Variants in LY96 observed in about 807,000 individuals in gnomAD.
The protein encoded by LY96 is myeloid differentiation protein-2.
Under a neutral mutation model 18.9 loss-of-function variants are expected in LY96, and 18 were observed. The observed-to-expected ratio is 0.95, with a 90% CI of 0.66 to 1.41. LY96 has a LOEUF of 1.41. Among genes scored for constraint, LY96 ranks in the 40% most tolerant of loss-of-function variants. LY96 has a pLI of 0.00. For synonymous variants in LY96, 66 were observed against 62.6 expected (o/e 1.06, Z -0.26); for missense variants, 175 against 182.4 (o/e 0.96, Z 0.23).
At chr8:74,059,768 G>A in the LY96 span, among the ~76,000 whole-genome samples, 155 of 152,224 alleles carry the variant, frequency 1.0e-3, no homozygotes, top group African/African-American at 3.7e-3. Flanking sequence ...TGATCTCAGG[G>A]CAAAATATTA....
the LY96 span, among the ~76,000 whole-genome samples, chr8:74,062,654 G>A: frequency 9.9e-5 from 15 of 152,218 alleles, no homozygotes; most frequent in African/African-American, 3.1e-4. Flanking sequence ...GTTGATGGGC[G>A]TTTGGGTTGA....
intron 2 of LY96, among the ~76,000 whole-genome samples, chr8:74,005,717 G>C (rs1055362967): frequency 6.6e-6 from 1 of 152,122 alleles, no homozygotes; most frequent in Non-Finnish European, 1.5e-5. Context: ...AAAAACTAAC[G>C]CAGGTGGGGT....
At chr8:74,044,606 T>C in the LY96 span, among the ~76,000 whole-genome samples, 5 of 152,028 alleles carry the variant, frequency 3.3e-5, no homozygotes, top group African/African-American at 1.2e-4. Flanking sequence ...GATCAGAGCA[T>C]GGGAAGAGGG....
In LY96 at chr8:74,002,080, T is replaced by TC. The variant is rs1816302799; in HGVS notation, c.113-2716_113-2715insC. On this transcript the variant is annotated intron_variant, in intron 1 of 4. Transcript: ENST00000284818. ...CTTCCTTCCTTCCTTCCTTCCTTTCTTTCTTTCTTTCTTTCTCTCTCTCTC... is the reference window on the plus strand; with the variant it reads ...CTTCCTTCCTTCCTTCCTTCCTTTCTCTTCTTTCTTTCTTTCTCTCTCTCTC... Among the ~76,000 whole-genome samples, 7 of 30,826 alleles carry TC rather than the reference T, an allele frequency of 2.3e-4. 1 individual carries two copies. Among genetic ancestry groups the TC allele is most frequent in the African/African-American group, 6.3e-4 (4 of 6,380 alleles). 20.2% of individuals were successfully genotyped at this position (30,826 alleles called of 152,430 possible). A position where few individuals can be genotyped will look rare whatever the true frequency, so the allele number is the denominator to read the frequency against.
intron 3 of LY96, among the ~76,000 whole-genome samples, chr8:74,022,496 G>A (rs576323387): frequency 2.6e-5 from 4 of 151,022 alleles, no homozygotes; most frequent in East Asian, 3.9e-4. Context: ...TCCAACAGAA[G>A]AGGTTAGAAC....
chr8:74,017,398 C>A (rs189628250), intron 3 of LY96, among the ~76,000 whole-genome samples: 92 of 152,232 alleles, frequency 6.0e-4, no homozygotes, highest in Admixed American at 3.0e-3. Flanking sequence ...AAACATGATA[C>A]TATGTGAAAA....
chr8:74,053,291 A>T, the LY96 span, among the ~76,000 whole-genome samples: 7 of 152,034 alleles, frequency 4.6e-5, no homozygotes, highest in East Asian at 3.8e-4. Context: ...TGTCTTTTAG[A>T]TTTTCACAAT....
chr8:74,080,188 A>C, the LY96 span, among the ~76,000 whole-genome samples: 2 of 152,206 alleles, frequency 1.3e-5, no homozygotes, highest in South Asian at 4.1e-4. Context: ...CCCAAGCAGC[A>C]GTGCCCACTG....
chr8:74,099,227 C>A, the LY96 span, among the ~76,000 whole-genome samples: 2 of 152,300 alleles, frequency 1.3e-5, no homozygotes, highest in African/African-American at 4.8e-5. Flanking sequence ...TTGGCCATGG[C>A]AACCCCAGAA....
the LY96 span, among the ~76,000 whole-genome samples, chr8:74,087,516 A>G: frequency 4.6e-5 from 7 of 152,192 alleles, no homozygotes; most frequent in Non-Finnish European, 8.8e-5. Flanking sequence ...CCGGGGTCCC[A>G]CCTGAGAGAT....
intron 1 of LY96, among the ~76,000 whole-genome samples, chr8:73,999,475 G>A (rs1816219870): frequency 6.6e-6 from 1 of 151,878 alleles, no homozygotes. Flanking sequence ...GCCCAGGCGG[G>A]TCTTGAATTC....
intron 1 of LY96, among the ~76,000 whole-genome samples, chr8:74,001,235 T>G (rs1816259267): frequency 6.6e-6 from 1 of 151,344 alleles, no homozygotes; most frequent in Admixed American, 6.6e-5. Context: ...AAAATTTTTT[T>G]TTTTTTTTGA....
the LY96 span, among the ~76,000 whole-genome samples, chr8:74,054,649 T>C: frequency 7.3e-6 from 1 of 136,916 alleles, no homozygotes; most frequent in African/African-American, 2.8e-5. Flanking sequence ...TCTTTCTTTC[T>C]TTCTTTCTTT....
the LY96 span, among the ~76,000 whole-genome samples, chr8:74,072,032 T>C: frequency 6.6e-6 from 1 of 152,172 alleles, no homozygotes; most frequent in Non-Finnish European, 1.5e-5. Flanking sequence ...TTTTTGGAGA[T>C]AAATAGGAAT....
At chr8:74,099,457 G>C in the LY96 span, 1 of 152,278 alleles carries the variant, frequency 6.6e-6, no homozygotes, top group African/African-American at 2.4e-5. Context: ...TTCCTGATGA[G>C]AGACAATTGA....
intron 1 of LY96, 29 bp from the exon 2 acceptor site, chr8:74,004,767 T>C (rs959594221): frequency 6.6e-7 from 1 of 1,516,794 alleles, no homozygotes; most frequent in African/African-American, 1.4e-5. Flanking sequence ...TTTGTAGTAA[T>C]TTATTGACAT....
At chr8:74,059,623 T>C in the LY96 span, among the ~76,000 whole-genome samples, 3 of 152,354 alleles carry the variant, frequency 2.0e-5, no homozygotes, top group African/African-American at 7.2e-5. Flanking sequence ...AAATGAAATG[T>C]CTAATTCACA....
rs575815271 is a variant in LY96, at chr8:73,994,545, G to A, written c.112+2991G>A. Among the ~76,000 whole-genome samples the A allele has an allele frequency of 8.5e-4, 129 of 152,188 alleles. 2 individuals are homozygous for A. The highest frequency in any genetic ancestry group is 1.0e-3 in the Non-Finnish European group (71 of 68,012). On this transcript the variant is annotated intron_variant, in intron 1 of 4. Coordinates refer to ENST00000284818, the MANE Select transcript of LY96 (RefSeq NM_015364.5). ...TCTGTCAGCCAGGCTGGAGTGCAAC[G>A]GTGGAATCATGGCTCACTGCAGCCT...
chr8:73,997,788 T>G (rs1487780345), intron 1 of LY96, among the ~76,000 whole-genome samples: 1 of 152,178 alleles, frequency 6.6e-6, no homozygotes, highest in Non-Finnish European at 1.5e-5. Flanking sequence ...ACTGGTTTAT[T>G]ATAAAGGATA....
Sources: allele counts gnomAD v4.1 joint callset (sites outside exome capture counted in the v4.1 genomes callset), GRCh38; gene constraint gnomAD v4.1.1; transcripts MANE v1.5; gene names NCBI Gene and HGNC (gene_info 2026-07-23, HGNC 2026-07-21).